The following TOR2A variants were observed in gnomAD, a reference collection of about 807,000 sequenced individuals.
TOR2A encodes torsin family 2 member A.
In TOR2A, 24 loss-of-function variants were observed where a neutral mutation model predicts 28.6. That is an observed-to-expected ratio of 0.84 (90% CI 0.61 to 1.18). TOR2A has a LOEUF of 1.18. TOR2A is among the 50% of genes most tolerant of loss of function. TOR2A has a pLI of 0.00. For synonymous variants in TOR2A, 203 were observed against 203.1 expected (o/e 1.00, Z 0.00); for missense variants, 426 against 448.1 (o/e 0.95, Z 0.45).
At position 127,732,583 on chromosome 9, in the gene TOR2A, C is replaced by G. The variant is rs367759175; in HGVS notation, c.702G>C (p.Ala234=). 1 of 1,590,656 alleles carries G rather than the reference C, an allele frequency of 6.3e-7. No individual in the cohort carries two copies. Among genetic ancestry groups the G allele is most frequent in the Admixed American group, 1.7e-5 (1 of 57,168 alleles). The change falls in exon 4 of 5, where the codon GCG becomes GCC. Residue 234 remains alanine (A), a synonymous_variant. Transcript: ENST00000373284. ...ACTCACGGTGCGGGTTGTCCAGCACCGCGCGGGAGATGACCGGCTCCAGCT... is the reference window on the plus strand; with the variant it reads ...ACTCACGGTGCGGGTTGTCCAGCACGGCGCGGGAGATGACCGGCTCCAGCT... ...LQELEPVISR[A]VLDNPHHGFS... is the part of the protein sequence containing the mutation.
intron 2 of TOR2A, chr9:127,733,920 C>CAGT: frequency 2.5e-6 from 1 of 406,794 alleles, no homozygotes; most frequent in Non-Finnish European, 4.4e-6. Context: ...CAATCAACAA[C>CAGT]AGTAGTAGTA....
rs772583632 is a variant in TOR2A, at chr9:127,734,430, C to T, written c.286G>A (p.Gly96Ser). 15 of 1,612,144 alleles carry T rather than the reference C, an allele frequency of 9.3e-6. No individual in the cohort carries two copies. Among genetic ancestry groups the T allele is most frequent in the South Asian group, 1.1e-5 (1 of 91,030 alleles). The change falls in exon 2 of 5, where the codon GGC becomes AGC. Residue 96 changes from glycine (G) to serine (S), a missense_variant. Transcript: ENST00000373284. ...GAGCTGACATAGGATTTGCCGGTGC[C>T]GGTCCAGCCGTGCAGGGAGAGGACC... Reference protein sequence around the residue: ...PLVLSLHGWTGTGKSYVSSLL... With the variant: ...PLVLSLHGWTSTGKSYVSSLL...
chr9:127,732,375 A>G (rs1844475774), intron 4 of TOR2A, 97 bp from the exon 5 acceptor site: 13 of 1,481,808 alleles, frequency 8.8e-6, no homozygotes, highest in East Asian at 2.4e-5. Context: ...TGCTGGCCTC[A>G]GTTCCCTCAG....
chr9:127,733,353 C>G, intron 3 of TOR2A, 32 bp downstream of exon 3: 1 of 1,613,614 alleles, frequency 6.2e-7, no homozygotes, highest in Admixed American at 1.7e-5. Flanking sequence ...AAGTGGCCCC[C>G]CCACTGTGCC....
Position 127,731,608 on chromosome 9 carries a change from GTCCC to G in TOR2A, c.*422_*425del, listed in dbSNP as rs533297016. 8.5e-4 allele frequency: 1,032 copies of G among 1,218,850 alleles called. 15 individuals are homozygous for G. The East Asian group carries it at 0.022, about 26-fold the overall frequency. The allele number at this position is 1,218,850 out of a possible 1,614,324, so 75.5% of individuals were successfully genotyped here. ...AAACCAGGCCCAAGTGGCAGCTTGA[GTCCC>G]TCCATTTCTGGAAACTGAGAAGGCT... On this transcript the variant is annotated 3_prime_UTR_variant, in exon 5 of 5. Transcript: ENST00000373284.
In TOR2A at chr9:127,735,258, T is replaced by C. The variant is rs1844641333; in HGVS notation, c.13A>G (p.Thr5Ala). The change falls in exon 1 of 5, where the codon ACG (threonine) becomes GCG (alanine). Residue 5 changes from threonine (T) to alanine (A), a missense_variant. Thr to Ala is a moderately conservative substitution (Grantham distance 58). Coordinates refer to ENST00000373284, the MANE Select transcript of TOR2A (RefSeq NM_001085347.3). ...GAGCCCCAGGGCCGGCAGCCGCGCG[T>C]CGCAGCCGCCATCCGGGTGAGGCCC... is the stretch of plus-strand genomic sequence containing the variant. The part of the protein sequence containing the change: MAAA[T>A]RGCRPWGSLL... 1 of 1,405,590 alleles carries C rather than the reference T, an allele frequency of 7.1e-7. No individual in the cohort carries two copies. The highest frequency in any genetic ancestry group is 9.2e-7 in the Non-Finnish European group (1 of 1,089,806). The allele number at this position is 1,405,590 out of a possible 1,614,324, so 87.1% of individuals were successfully genotyped here.
chr9:127,733,317 T>C (rs1386630391), intron 3 of TOR2A, 68 bp downstream of exon 3: 1 of 1,613,284 alleles, frequency 6.2e-7, no homozygotes, highest in Non-Finnish European at 8.5e-7. Flanking sequence ...GAGCACAGGC[T>C]AAGGCTGTAG....
intron 1 of TOR2A, 105 bp from the exon 2 acceptor site, chr9:127,734,669 T>C (rs2131721024): frequency 7.7e-7 from 1 of 1,296,448 alleles, no homozygotes; most frequent in Non-Finnish European, 1.0e-6. Context: ...CTTACGTTTG[T>C]CCAAGCTGCC....
intron 3 of TOR2A, 50 bp downstream of exon 3, chr9:127,733,335 C>T (rs1564401868): frequency 2.5e-6 from 4 of 1,613,502 alleles, no homozygotes; most frequent in Middle Eastern, 3.3e-4. Flanking sequence ...TAGAGCTGAA[C>T]CTCTGAGAAG....
intron 2 of TOR2A, 171 bp downstream of exon 2, chr9:127,734,128 C>G: frequency 1.2e-6 from 1 of 836,700 alleles, no homozygotes; most frequent in Non-Finnish European, 1.7e-6. Context: ...CAAAGTACTC[C>G]CTGCCAGGTA....
Position 127,733,443 on chromosome 9 carries a change from C to T in TOR2A, c.535G>A (p.Gly179Ser), listed in dbSNP as rs774336377. The T allele has an allele frequency of 1.2e-6, 2 of 1,613,712 alleles. No individual in the cohort carries two copies. The highest frequency in any genetic ancestry group is 1.7e-6 in the Non-Finnish European group (2 of 1,179,984). The change falls in exon 3 of 5, where the codon GGC becomes AGC. Residue 179 changes from glycine (G) to serine (S), a missense_variant. Transcript: ENST00000373284. ...GTCCCGTATACCACCCAGGAGGAGCCCAGGAAAGGCCGCAGGACTTCCATC... is the reference window on the plus strand; with the variant it reads ...GTCCCGTATACCACCCAGGAGGAGCTCAGGAAAGGCCGCAGGACTTCCATC... Reference protein sequence around the residue: ...GLMEVLRPFLGSSWVVYGTNY... With the variant: ...GLMEVLRPFLSSSWVVYGTNY...
rs1844479052 is a variant in TOR2A at position 127,732,435 on chromosome 9, C to T, written c.721+129G>A. 2.1e-6 allele frequency: 3 copies of T among 1,446,904 alleles called. No homozygotes were observed. The African/African-American group carries it at 4.3e-5, about 21-fold the overall frequency. The allele number at this position is 1,446,904 out of a possible 1,614,324, so 89.6% of individuals were successfully genotyped here. A position where few individuals can be genotyped will look rare whatever the true frequency, so the allele number is the denominator to read the frequency against. ...GGGCTGTAAGGCTCACCCAAAGTCA[C>T]AAAGCTGGGAGTGCCAAAGCCAGGC... On this transcript the variant is annotated intron_variant, in intron 4 of 4. Coordinates refer to ENST00000373284, the MANE Select transcript of TOR2A (RefSeq NM_001085347.3).
Position 127,734,561 on chromosome 9 carries a change from A to C in TOR2A, c.155T>G (p.Leu52Arg). Reference sequence around the variant, plus strand: ...CAGGTGCTGAGCCAGGTCACACTCCAGACCTAGGGCCACAGGAGGATGGTG... The same window carrying C: ...CAGGTGCTGAGCCAGGTCACACTCCCGACCTAGGGCCACAGGAGGATGGTG... ...ECDFRPDLPG[L>R]ECDLAQHLAG... The change falls in exon 2 of 5, where the codon CTG (leucine) becomes CGG (arginine). Residue 52 changes from leucine (L) to arginine (R), a missense_variant. Physicochemically the swap from Leu to Arg is moderately radical, Grantham distance 102 (BLOSUM62 -2). Transcript: ENST00000373284. 6.6e-7 allele frequency: 1 copy of C among 1,511,198 alleles called. No homozygotes were observed. Among genetic ancestry groups the C allele is most frequent in the Non-Finnish European group, 8.8e-7 (1 of 1,131,132 alleles). The allele number at this position is 1,511,198 out of a possible 1,614,324, so 93.6% of individuals were successfully genotyped here.
In TOR2A at chr9:127,734,340, C is replaced by T. The variant is rs775382449; in HGVS notation, c.376G>A (p.Val126Ile). The T allele has an allele frequency of 1.1e-5, 17 of 1,606,762 alleles. No individual in the cohort carries two copies. The Middle Eastern group carries it at 5.0e-4, about 47-fold the overall frequency. Residue 126 changes from valine to isoleucine, a missense_variant, in exon 2 of 5, where the codon GTC becomes ATC. Physicochemically the swap from Val to Ile is conservative, Grantham distance 29. Coordinates refer to ENST00000373284, the MANE Select transcript of TOR2A (RefSeq NM_001085347.3). ...RSPRVHHFSPVLHFPHPSHIE... is the reference protein window; with the variant it reads ...RSPRVHHFSPILHFPHPSHIE... ...TGGCTGGGGTGGGGGAAGTGGAGGA[C>T]GGGAGAAAAGTGGTGCACGCGGGGG... is the stretch of plus-strand genomic sequence containing the variant.
intron 2 of TOR2A, 200 bp from the exon 3 acceptor site, chr9:127,733,760 A>G: frequency 1.7e-6 from 1 of 597,596 alleles, no homozygotes; most frequent in Admixed American, 3.1e-5. Context: ...CAGTCAGAAC[A>G]GGGACTCAAA....
At chr9:127,734,177 G>A (rs977852118) in intron 2 of TOR2A, 122 bp downstream of exon 2, 1 of 1,334,798 alleles carries the variant, frequency 7.5e-7, no homozygotes, top group Non-Finnish European at 1.0e-6. Context: ...GATGGGTCCT[G>A]AGGGCTGGGG....
chr9:127,732,771 C>T, intron 3 of TOR2A, 80 bp from the exon 4 acceptor site: 1 of 1,509,438 alleles, frequency 6.6e-7, no homozygotes, highest in Non-Finnish European at 8.9e-7. Context: ...TCCCCGCTGC[C>T]ACCTGACATA....
At chr9:127,733,596 AG>A (rs1470889872) in intron 2 of TOR2A, 36 bp from the exon 3 acceptor site, 5 of 1,560,692 alleles carry the variant, frequency 3.2e-6, no homozygotes, top group Middle Eastern at 2.3e-4. Context: ...GGGGAGCTGG[AG>A]AAACTCCCCC....
chr9:127,734,622 A>G, intron 1 of TOR2A, 58 bp from the exon 2 acceptor site: 1 of 1,426,828 alleles, frequency 7.0e-7, no homozygotes, highest in Non-Finnish European at 9.2e-7. Flanking sequence ...TTCAAGGAGA[A>G]CATCATGTCT....
Sources: allele counts gnomAD v4.1 joint callset, GRCh38; gene constraint gnomAD v4.1.1; transcripts MANE v1.5; gene names NCBI Gene and HGNC (gene_info 2026-07-23, HGNC 2026-07-21).